CSMD3: variants seen among roughly 807,000 people sequenced by gnomAD.
The protein encoded by CSMD3 is CUB and Sushi multiple domains 3.
In CSMD3, 177 loss-of-function variants were observed where a neutral mutation model predicts 435.2. That is an observed-to-expected ratio of 0.41 (90% CI 0.36 to 0.46). The LOEUF (loss-of-function observed/expected upper bound fraction) is 0.46. Among genes scored for constraint, CSMD3 ranks in the 20% least tolerant of loss-of-function variants. CSMD3 has a pLI of 0.34. For missense variants in CSMD3, 4,265 were observed against 4,504.6 expected (o/e 0.95, Z 1.52); for synonymous variants, 1,656 against 1,520.5 (o/e 1.09, Z -2.07).
At chr8:113,103,443 A>G (rs1187167440) in intron 4 of CSMD3, among the ~76,000 whole-genome samples, 4 of 152,140 alleles carry the variant, frequency 2.6e-5, no homozygotes, top group Non-Finnish European at 4.4e-5. Flanking sequence ...TGCAAAGTCA[A>G]TCTGTTGTAA....
At position 112,518,437 on chromosome 8, in the gene CSMD3, G is replaced by A. The variant is rs1823911424; in HGVS notation, c.4565-1212C>T. Among the ~76,000 whole-genome samples, 3 of 152,052 alleles carry A rather than the reference G, an allele frequency of 2.0e-5. No individual in the cohort carries two copies. The South Asian group carries it at 6.2e-4, about 32-fold the overall frequency. ...TTGAGAGGACAGCTTGAGCCTAGGA[G>A]GTCAAGGCTACAGTGAGCCATGACT... On this transcript the variant is annotated intron_variant, in intron 27 of 70. Coordinates refer to ENST00000297405, the MANE Select transcript of CSMD3 (RefSeq NM_198123.2).
At chr8:112,330,277 A>G (rs909296061) in intron 45 of CSMD3, among the ~76,000 whole-genome samples, 1 of 152,116 alleles carries the variant, frequency 6.6e-6, no homozygotes, top group Non-Finnish European at 1.5e-5. Flanking sequence ...ACATTTCTTT[A>G]CAATAATGAG....
At chr8:112,657,438 A>G (rs771571398) in intron 17 of CSMD3, among the ~76,000 whole-genome samples, 1 of 152,198 alleles carries the variant, frequency 6.6e-6, no homozygotes, top group African/African-American at 2.4e-5. Context: ...CCCTGACTCT[A>G]ACCTCTATTC....
intron 4 of CSMD3, among the ~76,000 whole-genome samples, chr8:113,107,631 G>C (rs1372282330): frequency 2.0e-5 from 3 of 152,178 alleles, no homozygotes; most frequent in Non-Finnish European, 4.4e-5. Flanking sequence ...AGGGCTGACT[G>C]TATTTATTGA....
intron 6 of CSMD3, among the ~76,000 whole-genome samples, chr8:112,986,773 A>G (rs2085269834): frequency 6.6e-6 from 1 of 152,074 alleles, no homozygotes; most frequent in South Asian, 2.1e-4. Flanking sequence ...AGACACCGTA[A>G]GTGGCAACAA....
intron 1 of CSMD3, among the ~76,000 whole-genome samples, chr8:113,338,939 T>A (rs898354424): frequency 2.0e-5 from 3 of 151,964 alleles, no homozygotes; most frequent in African/African-American, 7.2e-5. Context: ...TCCACACTTG[T>A]CTGTTTAATT....
At chr8:113,328,259 A>T (rs13282531) in intron 1 of CSMD3, among the ~76,000 whole-genome samples, 99,554 of 150,526 alleles carry the variant, frequency 0.66, 33,882 homozygotes, top group Admixed American at 0.76. Flanking sequence ...TAAAACGGTG[A>T]AACCCCGTCT....
At chr8:112,455,705 C>T (rs924207392) in intron 32 of CSMD3, among the ~76,000 whole-genome samples, 89 of 151,194 alleles carry the variant, frequency 5.9e-4, no homozygotes, top group African/African-American at 2.0e-3. Flanking sequence ...TTTCAACGTG[C>T]TCATTTTACA....
intron 60 of CSMD3, among the ~76,000 whole-genome samples, chr8:112,264,736 C>A (rs574817085): frequency 6.6e-6 from 1 of 151,930 alleles, no homozygotes; most frequent in Non-Finnish European, 1.5e-5. Flanking sequence ...TATTAATTCA[C>A]ATTTAAATAG....
intron 1 of CSMD3, among the ~76,000 whole-genome samples, chr8:113,430,637 A>G (rs374836421): frequency 5.3e-5 from 8 of 152,318 alleles, no homozygotes; most frequent in African/African-American, 1.9e-4. Flanking sequence ...ATTGCTAAAA[A>G]GTTTTTAGAG....
intron 1 of CSMD3, among the ~76,000 whole-genome samples, chr8:113,329,617 A>T (rs1166285721): frequency 6.6e-6 from 1 of 152,124 alleles, no homozygotes; most frequent in Non-Finnish European, 1.5e-5. Flanking sequence ...TTCAAATATG[A>T]TTTCAAAATA....
At chr8:113,007,221 A>G (rs1169205086) in intron 6 of CSMD3, among the ~76,000 whole-genome samples, 1 of 152,014 alleles carries the variant, frequency 6.6e-6, no homozygotes, top group African/African-American at 2.4e-5. Flanking sequence ...AATTTTAATT[A>G]TAAAGTTGAA....
At chr8:112,228,961 A>C in intron 69 of CSMD3, 70 bp from the exon 70 acceptor site, 1 of 859,890 alleles carries the variant, frequency 1.2e-6, no homozygotes, top group South Asian at 1.5e-5. Context: ...CCCATGAATC[A>C]ATTAATTTCT....
intron 1 of CSMD3, among the ~76,000 whole-genome samples, chr8:113,420,344 A>G (rs1317548331): frequency 2.6e-5 from 4 of 152,140 alleles, no homozygotes; most frequent in African/African-American, 7.2e-5. Flanking sequence ...AAATGATTAT[A>G]TAATTTTTCA....
At chr8:112,736,924 A>G (rs2077197613) in intron 13 of CSMD3, among the ~76,000 whole-genome samples, 1 of 152,022 alleles carries the variant, frequency 6.6e-6, no homozygotes, top group Admixed American at 6.6e-5. Context: ...TCACAGAAAT[A>G]GCTGAGCCAG....
At chr8:112,928,841 T>G (rs1448589099) in intron 9 of CSMD3, among the ~76,000 whole-genome samples, 1 of 148,792 alleles carries the variant, frequency 6.7e-6, no homozygotes, top group Non-Finnish European at 1.5e-5. Flanking sequence ...TTTCTAGTTC[T>G]AGATCCCTGA....
intron 32 of CSMD3, among the ~76,000 whole-genome samples, chr8:112,455,621 A>C (rs1816755690): frequency 6.9e-6 from 1 of 145,672 alleles, no homozygotes; most frequent in Non-Finnish European, 1.5e-5. Flanking sequence ...ATAAATAAAT[A>C]AATAAATAAA....
At chr8:113,120,938 G>A (rs1394896985) in intron 4 of CSMD3, among the ~76,000 whole-genome samples, 1 of 151,956 alleles carries the variant, frequency 6.6e-6, no homozygotes, top group Non-Finnish European at 1.5e-5. Context: ...TTACACGCAG[G>A]GCCTCAGAAA....
intron 42 of CSMD3, among the ~76,000 whole-genome samples, chr8:112,339,279 T>C (rs972497231): frequency 4.0e-5 from 6 of 151,866 alleles, no homozygotes; most frequent in Non-Finnish European, 7.4e-5. Context: ...ACCAATCAGA[T>C]ATTTGCACAG....
Sources: gnomAD v4.1 joint callset for allele counts (sites outside exome capture counted in the v4.1 genomes callset) on GRCh38, gnomAD v4.1.1 for gene constraint, MANE v1.5 for transcripts, NCBI Gene and HGNC (gene_info 2026-07-23, HGNC 2026-07-21) for gene names.